Variants in HSPA13 observed in about 807,000 individuals in gnomAD.
HSPA13 encodes heat shock 70 kDa protein 13.
HSPA13 carries 29 observed loss-of-function variants against 38.8 expected under a neutral mutation model. That is an observed-to-expected ratio of 0.75 (90% CI 0.56 to 1.02). The LOEUF is 1.02. HSPA13 is among the 50% of genes least tolerant of loss of function. The pLI, the probability that HSPA13 is intolerant of heterozygous loss-of-function variation, is 0.00. For synonymous variants in HSPA13, 192 were observed against 205.3 expected (o/e 0.94, Z 0.56); for missense variants, 451 against 560.9 (o/e 0.80, Z 1.98).
intron 1 of HSPA13, among the ~76,000 whole-genome samples, 198 bp downstream of exon 1, chr21:14,382,897 C>A (rs949472685): frequency 6.6e-6 from 1 of 152,138 alleles, no homozygotes; most frequent in South Asian, 2.1e-4. Flanking sequence ...CCTTGGCCTG[C>A]AGGGGCCGGG....
In HSPA13 at chr21:14,371,962, CAACA is replaced by C. The variant is rs1982836861; in HGVS notation, c.*1651_*1654del. On this transcript the variant is annotated 3_prime_UTR_variant, in exon 5 of 5. Coordinates refer to ENST00000285667, the MANE Select transcript of HSPA13 (RefSeq NM_006948.5). ...CCATTCATTCTAAAATAAGATACTT[CAACA>C]AACATTTTATACTTTTCTATCTACC... 6.6e-6 allele frequency: 1 copy of C among 152,458 alleles called. No individual in the cohort carries two copies. The highest frequency in any genetic ancestry group is 2.1e-4 in the South Asian group (1 of 4,826). 9.4% of individuals were successfully genotyped at this position (152,458 alleles called of 1,614,324 possible).
intron 2 of HSPA13, 66 bp downstream of exon 2, chr21:14,381,137 A>T: frequency 8.3e-7 from 1 of 1,206,132 alleles, no homozygotes; most frequent in Admixed American, 2.2e-5. Flanking sequence ...GTTTTGTGAC[A>T]TGAAGCCAAA....
chr21:14,375,717 C>T lies in HSPA13; in HGVS notation c.683G>A (p.Gly228Glu), dbSNP rs1423461323. ...CAGTAAAGACACATCTAGAGTTCCT[C>T]CGCCCAAGTCTATCACCAAGACGTG... is the stretch of plus-strand genomic sequence containing the variant. ...VFHVLVIDLG[G>E]GTLDVSLLNK... Residue 228 changes from glycine (G) to glutamate (E), a missense_variant, in exon 4 of 5, where the codon GGA becomes GAA. Physicochemically the swap from Gly to Glu is moderately conservative, Grantham distance 98 (BLOSUM62 -2). Transcript: ENST00000285667. 5 of 1,614,020 alleles carry T rather than the reference C, an allele frequency of 3.1e-6. No individual in the cohort carries two copies. Among genetic ancestry groups the T allele is most frequent in the Non-Finnish European group, 4.2e-6 (5 of 1,180,006 alleles).
rs1462666017 is a variant in HSPA13, at chr21:14,375,658, T to C, written c.742A>G (p.Met248Val). The change falls in exon 4 of 5, where the codon ATG becomes GTG. Residue 248 changes from methionine (M) to valine (V), a missense_variant. Coordinates refer to ENST00000285667, the MANE Select transcript of HSPA13 (RefSeq NM_006948.5). ...CTCCCTGCATTTTTCTTACCAGACA[T>C]TGCTCGGGTTAGAAACATCCCTCCT... ...KQGGMFLTRA[M>V]SGNNKLGGQD... The C allele has an allele frequency of 5.6e-6, 9 of 1,613,170 alleles. No homozygotes were observed. Among genetic ancestry groups the C allele is most frequent in the Non-Finnish European group, 7.6e-6 (9 of 1,179,360 alleles).
In HSPA13 at chr21:14,373,928, G is replaced by A. The variant is rs1454579595; in HGVS notation, c.1105C>T (p.Leu369Phe). 6.2e-7 allele frequency: 1 copy of A among 1,614,188 alleles called. No homozygotes were observed. The highest frequency in any genetic ancestry group is 1.1e-5 in the South Asian group (1 of 91,088). The change falls in exon 5 of 5, where the codon CTC becomes TTC. Residue 369 changes from leucine (L) to phenylalanine (F), a missense_variant. Coordinates refer to ENST00000285667, the MANE Select transcript of HSPA13 (RefSeq NM_006948.5). ...AGGTCTTCATTAAGGGTATCAAAGA[G>A]TTTCCGTGATATTTCTGTTTCAAAT... ...VLFETEISRK[L>F]FDTLNEDLFQ...
Position 14,381,498 on chromosome 21 carries a change from TG to T in HSPA13, c.70del (p.Gln24SerfsTer10). 6.2e-7 allele frequency: 1 copy of T among 1,606,038 alleles called. No individual in the cohort carries two copies. The highest frequency in any genetic ancestry group is 1.3e-5 in the African/African-American group (1 of 74,944). ...TLLLAGYLAQ[Q>X]YLPLPTPKVI... ...TTTAGGAGTAGGCAATGGTAAATAC[TG>T]TTGTGCCAAATAGCCGGCCAACAGG... On this transcript the variant is annotated frameshift_variant, in exon 2 of 5. Coordinates refer to ENST00000285667, the MANE Select transcript of HSPA13 (RefSeq NM_006948.5). LOFTEE classifies it high-confidence loss of function.
rs1202710463 is a variant in HSPA13, at chr21:14,371,946, CTAAAA to C, written c.*1666_*1670del. 1 of 152,502 alleles carries C rather than the reference CTAAAA, an allele frequency of 6.6e-6. No individual in the cohort carries two copies. Among genetic ancestry groups the C allele is most frequent in the Non-Finnish European group, 1.5e-5 (1 of 67,964 alleles). 9.4% of individuals were successfully genotyped at this position (152,502 alleles called of 1,614,324 possible). ...CATCTTTGGCATTTCTCCATTCATT[CTAAAA>C]TAAGATACTTCAACAAACATTTTAT... On this transcript the variant is annotated 3_prime_UTR_variant, in exon 5 of 5. Transcript: ENST00000285667.
Position 14,383,136 on chromosome 21 carries a change from A to G in HSPA13, c.-17T>C, listed in dbSNP as rs751051692. 1 of 1,613,978 alleles carries G rather than the reference A, an allele frequency of 6.2e-7. No individual in the cohort carries two copies. The highest frequency in any genetic ancestry group is 1.1e-5 in the South Asian group (1 of 91,074). ...TCTGGCCATCACAGTCCCGCCGAAC[A>G]GGCTTGTGATGACTGTACCAGACGT... On this transcript the variant is annotated 5_prime_UTR_variant, in exon 1 of 5. Transcript: ENST00000285667.
At position 14,371,929 on chromosome 21, in the gene HSPA13, G is replaced by A. The variant is rs1982835582; in HGVS notation, c.*1688C>T. 6.6e-6 allele frequency: 1 copy of A among 152,402 alleles called. No homozygotes were observed. The highest frequency in any genetic ancestry group is 2.4e-5 in the African/African-American group (1 of 41,400). 9.4% of individuals were successfully genotyped at this position (152,402 alleles called of 1,614,324 possible). ...TAATGCAGTGAAGGATTCATCTTTG[G>A]CATTTCTCCATTCATTCTAAAATAA... On this transcript the variant is annotated 3_prime_UTR_variant, in exon 5 of 5. Coordinates refer to ENST00000285667, the MANE Select transcript of HSPA13 (RefSeq NM_006948.5).
Position 14,374,017 on chromosome 21 carries a change from T to C in HSPA13, c.1016A>G (p.His339Arg). Residue 339 changes from histidine to arginine, a missense_variant, in exon 5 of 5, where the codon CAT (histidine) becomes CGT (arginine). Transcript: ENST00000285667. ...PKDKLSSADD[H>R]RVNSGFGRGL... The stretch of plus-strand genomic sequence containing the variant: ...ACGTCCAAACCCACTGTTCACGCGA[T>C]GGTCATCTGCTGAGGAAAGTTTGTC... The C allele has an allele frequency of 6.2e-7, 1 of 1,614,232 alleles. No individual in the cohort carries two copies. Among genetic ancestry groups the C allele is most frequent in the Non-Finnish European group, 8.5e-7 (1 of 1,180,028 alleles).
In HSPA13 at chr21:14,371,807, T is replaced by C. The variant is rs934539977; in HGVS notation, c.*1810A>G. 1.3e-5 allele frequency: 2 copies of C among 152,272 alleles called. No homozygotes were observed. Among genetic ancestry groups the C allele is most frequent in the Non-Finnish European group, 2.9e-5 (2 of 67,924 alleles). 9.4% of individuals were successfully genotyped at this position (152,272 alleles called of 1,614,324 possible). ...CTATATATGGAGATTTTGAGATAAA[T>C]TGGAACACTTTTAGAAGACCTTCAC... On this transcript the variant is annotated 3_prime_UTR_variant, in exon 5 of 5. Transcript: ENST00000285667.
At chr21:14,375,573 C>T (rs1031736806) in intron 4 of HSPA13, 79 bp downstream of exon 4, 9 of 1,134,404 alleles carry the variant, frequency 7.9e-6, no homozygotes, top group Non-Finnish European at 1.0e-5. Flanking sequence ...ATCTCGTGAT[C>T]CACCCGCCTC....
At chr21:14,383,027 CTG>C in intron 1 of HSPA13, 66 bp downstream of exon 1, 5 of 1,573,650 alleles carry the variant, frequency 3.2e-6, no homozygotes, top group Non-Finnish European at 4.4e-6. Flanking sequence ...TCAACCACCC[CTG>C]CCCACTCTGG....
chr21:14,379,824 T>A (rs376956463), intron 2 of HSPA13, among the ~76,000 whole-genome samples: 2 of 152,100 alleles, frequency 1.3e-5, no homozygotes. Context: ...AACTAAATAA[T>A]GGCCGGCATG....
At chr21:14,383,057 TAC>T in intron 1 of HSPA13, 36 bp downstream of exon 1, 3 of 1,613,518 alleles carry the variant, frequency 1.9e-6, no homozygotes, top group Non-Finnish European at 2.5e-6. Flanking sequence ...AGATCGCCTC[TAC>T]GCCCGCAAGA....
Position 14,373,795 on chromosome 21 carries a change from C to T in HSPA13, c.1238G>A (p.Arg413Gln), listed in dbSNP as rs1445697834. The T allele has an allele frequency of 7.4e-6, 12 of 1,614,004 alleles. No homozygotes were observed. The highest frequency in any genetic ancestry group is 2.7e-5 in the African/African-American group (2 of 74,884). ...VLVGGSTRIP[R>Q]IRQVIQEFFG... ...GAACTCTTGAATGACTTGACGGATC[C>T]GAGGAATACGAGTGGAGCCCCCAAC... The change falls in exon 5 of 5, where the codon CGG becomes CAG. Residue 413 changes from arginine to glutamine, a missense_variant. Physicochemically the swap from Arg to Gln is conservative, Grantham distance 43. Coordinates refer to ENST00000285667, the MANE Select transcript of HSPA13 (RefSeq NM_006948.5).
chr21:14,374,879 GTCTT>G (rs910057423), intron 4 of HSPA13, among the ~76,000 whole-genome samples: 25 of 151,906 alleles, frequency 1.6e-4, no homozygotes, highest in African/African-American at 5.8e-4. Flanking sequence ...ACCTGAAAAG[GTCTT>G]TCTACTTTTC....
In HSPA13 at chr21:14,377,493, T is replaced by C. The variant is rs574862288; in HGVS notation, c.580+706A>G. Among the ~76,000 whole-genome samples the C allele has an allele frequency of 3.9e-5, 6 of 152,360 alleles. No homozygotes were observed. The East Asian group carries it at 1.2e-3, about 29-fold the overall frequency. On this transcript the variant is annotated intron_variant, in intron 3 of 4. Transcript: ENST00000285667. ...TATTGTGCTATAGAGCTTTCAAAAT[T>C]ATAAACCTGTATAAAAATCTATCTA...
rs562967607 is a variant in HSPA13 at position 14,371,359 on chromosome 21, A to G, written c.*2258T>C. 1 of 152,752 alleles carries G rather than the reference A, an allele frequency of 6.5e-6. No individual in the cohort carries two copies. Among genetic ancestry groups the G allele is most frequent in the South Asian group, 2.1e-4 (1 of 4,832 alleles). 9.5% of individuals were successfully genotyped at this position (152,752 alleles called of 1,614,324 possible). On this transcript the variant is annotated 3_prime_UTR_variant, in exon 5 of 5. Coordinates refer to ENST00000285667, the MANE Select transcript of HSPA13 (RefSeq NM_006948.5). ...CAAGACACTTAATATTTTAAAAGTT[A>G]CATACTTCAAATAACACTGGCTAAA...
Sources: allele counts gnomAD v4.1 joint callset (sites outside exome capture counted in the v4.1 genomes callset), GRCh38; gene constraint gnomAD v4.1.1; transcripts MANE v1.5; gene names NCBI Gene and HGNC (gene_info 2026-07-23, HGNC 2026-07-21).